MMS22L: variants seen among roughly 807,000 people sequenced by gnomAD.
MMS22L encodes the protein protein MMS22-like.
MMS22L carries 74 observed loss-of-function variants against 159.1 expected under a neutral mutation model. The observed-to-expected ratio is 0.47, with a 90% CI of 0.39 to 0.56. The LOEUF (loss-of-function observed/expected upper bound fraction) is 0.56, where lower values mean the gene tolerates loss of function less well. MMS22L is among the 20% of genes least tolerant of loss of function. The pLI is 0.00. For synonymous variants in MMS22L, 517 were observed against 506.9 expected (o/e 1.02, Z -0.27); for missense variants, 1,351 against 1,422.1 (o/e 0.95, Z 0.80).
At chr6:97,177,688 T>C (rs1258265895) in intron 18 of MMS22L, among the ~76,000 whole-genome samples, 1 of 152,154 alleles carries the variant, frequency 6.6e-6, no homozygotes, top group Non-Finnish European at 1.5e-5. Flanking sequence ...TTTTTAGAGA[T>C]TGCATGACAT....
chr6:97,190,230 G>C (rs988404247), intron 14 of MMS22L, among the ~76,000 whole-genome samples: 3 of 152,166 alleles, frequency 2.0e-5, no homozygotes, highest in Admixed American at 6.5e-5. Context: ...ATGTAATATA[G>C]TTCTAGGTGA....
At chr6:97,211,130 T>C (rs371736568) in intron 14 of MMS22L, among the ~76,000 whole-genome samples, 15 of 152,142 alleles carry the variant, frequency 9.9e-5, no homozygotes, top group East Asian at 5.8e-4. Context: ...CTGAATTACA[T>C]TGGAATTCCT....
intron 9 of MMS22L, among the ~76,000 whole-genome samples, chr6:97,256,763 CAGA>C (rs1813858789): frequency 6.6e-6 from 1 of 152,068 alleles, no homozygotes; most frequent in Non-Finnish European, 1.5e-5. Context: ...CCAACCTGGG[CAGA>C]CCAGTGAGAC....
chr6:97,216,360 T>C (rs1270542575), intron 14 of MMS22L, among the ~76,000 whole-genome samples: 1 of 152,120 alleles, frequency 6.6e-6, no homozygotes, highest in Non-Finnish European at 1.5e-5. Context: ...TCCCTCACTG[T>C]CATATTACAT....
chr6:97,220,800 G>T (rs1000833018), intron 14 of MMS22L, among the ~76,000 whole-genome samples: 2 of 152,058 alleles, frequency 1.3e-5, no homozygotes, highest in Non-Finnish European at 2.9e-5. Context: ...GTCCACTGCA[G>T]TGAGGCAATG....
chr6:97,263,061 G>A (rs9398374), intron 9 of MMS22L, among the ~76,000 whole-genome samples: 54,115 of 151,884 alleles, frequency 0.36, 10,947 homozygotes, highest in East Asian at 0.79. Flanking sequence ...ACCTTAGTCT[G>A]AAAGATTTCT....
intron 14 of MMS22L, among the ~76,000 whole-genome samples, chr6:97,223,643 G>A (rs1047507310): frequency 6.6e-6 from 1 of 152,012 alleles, no homozygotes; most frequent in African/African-American, 2.4e-5. Flanking sequence ...ACTTTTTCTT[G>A]TTTCCTGTCC....
At chr6:97,181,597 T>C (rs1003304096) in intron 16 of MMS22L, among the ~76,000 whole-genome samples, 1 of 152,168 alleles carries the variant, frequency 6.6e-6, no homozygotes, top group Non-Finnish European at 1.5e-5. Context: ...ATAATAAATG[T>C]GTAATTTCTT....
At chr6:97,148,472 T>C (rs1224517061) in intron 24 of MMS22L, among the ~76,000 whole-genome samples, 2 of 151,954 alleles carry the variant, frequency 1.3e-5, no homozygotes, top group Non-Finnish European at 2.9e-5. Context: ...TCCAGTGAAG[T>C]AAGATGTAGA....
At position 97,162,093 on chromosome 6, in the gene MMS22L, T is replaced by A. The variant is rs777127621; in HGVS notation, c.3294A>T (p.Gln1098His). The change falls in exon 22 of 25, where the codon CAA (glutamine) becomes CAT (histidine). Residue 1098 changes from glutamine to histidine, a missense_variant. By Grantham distance (24) the Gln-to-His change is conservative (BLOSUM62 0). Transcript: ENST00000683635. ...TGTCTGTGTTAGTTTCCTTGAAGAG[T>A]TGGAGGATGAAGGCCAGAATGGATG... ...RLASILAFIL[Q>H]LFKETNTDIY... The A allele has an allele frequency of 1.2e-6, 2 of 1,611,782 alleles. No individual in the cohort carries two copies. Among genetic ancestry groups the A allele is most frequent in the African/African-American group, 2.7e-5 (2 of 74,636 alleles).
chr6:97,251,659 A>T (rs1813247785), intron 10 of MMS22L, among the ~76,000 whole-genome samples: 2 of 152,214 alleles, frequency 1.3e-5, no homozygotes, highest in Admixed American at 1.3e-4. Flanking sequence ...AATCGTGGCA[A>T]AAGAAAATCA....
Position 97,279,489 on chromosome 6 carries a change from A to C in MMS22L, c.291-591T>G, listed in dbSNP as rs189988304. On this transcript the variant is annotated intron_variant, in intron 3 of 24. Coordinates refer to ENST00000683635, the MANE Select transcript of MMS22L (RefSeq NM_001350599.2). ...ACAGAGCAAGACTTCGTCTCAAAAAAAAAAGAAGTTTAAGATGGGGTGCAG... is the reference window on the plus strand; with the variant it reads ...ACAGAGCAAGACTTCGTCTCAAAAACAAAAGAAGTTTAAGATGGGGTGCAG... Among the ~76,000 whole-genome samples, 373 of 151,790 alleles carry C rather than the reference A, an allele frequency of 2.5e-3. 3 individuals carry two copies. Among genetic ancestry groups the C allele is most frequent in the African/African-American group, 8.6e-3 (354 of 41,326 alleles).
At chr6:97,150,339 G>A (rs1242913314) in intron 23 of MMS22L, among the ~76,000 whole-genome samples, 2 of 152,042 alleles carry the variant, frequency 1.3e-5, no homozygotes, top group East Asian at 3.9e-4. Flanking sequence ...TATTGAATCT[G>A]AGTGGAAAGG....
chr6:97,252,229 G>T (rs891378706), intron 10 of MMS22L, among the ~76,000 whole-genome samples: 1 of 152,218 alleles, frequency 6.6e-6, no homozygotes, highest in African/African-American at 2.4e-5. Context: ...ATCTGGCGGG[G>T]TCAATATCAA....
intron 14 of MMS22L, among the ~76,000 whole-genome samples, chr6:97,213,642 T>G (rs1304351950): frequency 6.6e-6 from 1 of 152,178 alleles, no homozygotes; most frequent in Non-Finnish European, 1.5e-5. Context: ...TTATTTACAT[T>G]CTTTGCAAGA....
intron 18 of MMS22L, 41 bp downstream of exon 18, chr6:97,178,402 T>A (rs368243491): frequency 2.1e-6 from 3 of 1,414,642 alleles, no homozygotes; most frequent in Non-Finnish European, 2.9e-6. Context: ...GAAAATTAAT[T>A]GTAATTAATC....
rs145247674 is a variant in MMS22L at position 97,169,801 on chromosome 6, A to C, written c.2840-1561T>G. On this transcript the variant is annotated intron_variant, in intron 19 of 24. Coordinates refer to ENST00000683635, the MANE Select transcript of MMS22L (RefSeq NM_001350599.2). Reference sequence around the variant, plus strand: ...AACTGCTATCATCACTGGCATATGAAATGATTCTTATTACTCTCAGGTGCA... The same window carrying C: ...AACTGCTATCATCACTGGCATATGACATGATTCTTATTACTCTCAGGTGCA... Among the ~76,000 whole-genome samples, 297 of 152,274 alleles carry C rather than the reference A, an allele frequency of 2.0e-3. 1 individual carries two copies. The highest frequency in any genetic ancestry group is 3.5e-3 in the Non-Finnish European group (237 of 68,010).
chr6:97,274,781 G>A (rs947062678), intron 4 of MMS22L, among the ~76,000 whole-genome samples: 3 of 152,000 alleles, frequency 2.0e-5, no homozygotes, highest in East Asian at 3.9e-4. Flanking sequence ...TTTAAGTATC[G>A]ATCTGTTCAA....
rs1582856199 is a variant in MMS22L at position 97,269,923 on chromosome 6, A to G, written c.676T>C (p.Tyr226His). 1 of 1,610,980 alleles carries G rather than the reference A, an allele frequency of 6.2e-7. No homozygotes were observed. The highest frequency in any genetic ancestry group is 2.2e-5 in the East Asian group (1 of 44,778). Reference sequence around the variant, plus strand: ...TTACTCAATTTTTCACCCAGCATGTAAAGAATTTCTAGCACCAGCCAATGT... The same window carrying G: ...TTACTCAATTTTTCACCCAGCATGTGAAGAATTTCTAGCACCAGCCAATGT... ...DIHWLVLEILYMLGEKLKQVV... is the reference protein window; with the variant it reads ...DIHWLVLEILHMLGEKLKQVV... The change falls in exon 7 of 25, where the codon TAC becomes CAC. Residue 226 changes from tyrosine (Y) to histidine (H), a missense_variant. Physicochemically the swap from Tyr to His is moderately conservative, Grantham distance 83. Coordinates refer to ENST00000683635, the MANE Select transcript of MMS22L (RefSeq NM_001350599.2).
Sources: gnomAD v4.1 joint callset for allele counts (sites outside exome capture counted in the v4.1 genomes callset) on GRCh38, gnomAD v4.1.1 for gene constraint, MANE v1.5 for transcripts, NCBI Gene and HGNC (gene_info 2026-07-23, HGNC 2026-07-21) for gene names.